GALNT13: variants seen among roughly 807,000 people sequenced by gnomAD.
GALNT13 encodes the protein UDP-GalNAc:polypeptide N-acetylgalactosaminyltransferase 13.
Under a neutral mutation model 64.2 loss-of-function variants are expected in GALNT13, and 28 were observed. That is an observed-to-expected ratio of 0.44 (90% CI 0.32 to 0.60). The LOEUF (loss-of-function observed/expected upper bound fraction) is 0.60, where lower values mean the gene tolerates loss of function less well. GALNT13 is among the 20% of genes least tolerant of loss of function. GALNT13 has a pLI of 0.05. For missense variants in GALNT13, 577 were observed against 669.8 expected, an observed-to-expected ratio of 0.86 and a Z score of 1.53; for synonymous variants, 214 against 224.6, an observed-to-expected ratio of 0.95 and a Z score of 0.42.
chr2:153,351,947 A>T, the GALNT13 span, among the ~76,000 whole-genome samples: 1 of 152,202 alleles, frequency 6.6e-6, no homozygotes, highest in Non-Finnish European at 1.5e-5. Flanking sequence ...TGTGGACATC[A>T]GTTTTCAACT....
chr2:153,328,686 C>T, the GALNT13 span, among the ~76,000 whole-genome samples: 29 of 152,148 alleles, frequency 1.9e-4, no homozygotes, highest in Admixed American at 1.9e-3. Context: ...AGGTCAACTT[C>T]AGACTGCTGT....
intron 4 of GALNT13, among the ~76,000 whole-genome samples, chr2:154,209,310 G>A (rs919696835): frequency 6.6e-5 from 10 of 152,246 alleles, no homozygotes; most frequent in African/African-American, 2.2e-4. Context: ...ACAAATCTCA[G>A]TGGAGAATGT....
chr2:153,973,526 C>G (rs1472200078), intron 3 of GALNT13, among the ~76,000 whole-genome samples: 1 of 151,950 alleles, frequency 6.6e-6, no homozygotes, highest in African/African-American at 2.4e-5. Context: ...AGTACCTTAT[C>G]TAAACTTCTC....
At chr2:153,455,427 A>C in the GALNT13 span, among the ~76,000 whole-genome samples, 1 of 152,198 alleles carries the variant, frequency 6.6e-6, no homozygotes, top group African/African-American at 2.4e-5. Flanking sequence ...GGAGCACATG[A>C]GCGAATGAGT....
At chr2:154,285,803 G>A (rs1478993698) in intron 8 of GALNT13, among the ~76,000 whole-genome samples, 1 of 151,938 alleles carries the variant, frequency 6.6e-6, no homozygotes, top group East Asian at 1.9e-4. Context: ...GATTACTTTA[G>A]GTAATATGAA....
chr2:153,930,702 C>T (rs1283979893), intron 2 of GALNT13, among the ~76,000 whole-genome samples: 3 of 151,972 alleles, frequency 2.0e-5, no homozygotes, highest in East Asian at 3.9e-4. Flanking sequence ...CCAGTAAGTA[C>T]CATGCTGTGT....
intron 9 of GALNT13, among the ~76,000 whole-genome samples, chr2:154,379,088 A>T (rs956786976): frequency 6.6e-6 from 1 of 152,156 alleles, no homozygotes; most frequent in Non-Finnish European, 1.5e-5. Flanking sequence ...ATGTGTGCTT[A>T]ATAAATGATG....
chr2:153,286,579 G>T, the GALNT13 span, among the ~76,000 whole-genome samples: 1 of 152,092 alleles, frequency 6.6e-6, no homozygotes, highest in Non-Finnish European at 1.5e-5. Flanking sequence ...CATAGGTCTA[G>T]AAATAAAAAG....
intron 11 of GALNT13, among the ~76,000 whole-genome samples, chr2:154,431,507 T>C (rs1700709215): frequency 6.6e-6 from 1 of 152,218 alleles, no homozygotes; most frequent in South Asian, 2.1e-4. Context: ...TTTAGATCCT[T>C]CTCACAGAAG....
chr2:153,403,777 C>T, the GALNT13 span, among the ~76,000 whole-genome samples: 6 of 152,274 alleles, frequency 3.9e-5, no homozygotes, highest in East Asian at 5.8e-4. Flanking sequence ...ATGCCTTGCC[C>T]TGCTTCGGCT....
At chr2:154,225,975 T>C (rs1688598568) in intron 4 of GALNT13, among the ~76,000 whole-genome samples, 1 of 152,122 alleles carries the variant, frequency 6.6e-6, no homozygotes, top group Non-Finnish European at 1.5e-5. Context: ...TCAAATATTT[T>C]CTTGATGGAC....
At chr2:153,296,370 G>A in the GALNT13 span, among the ~76,000 whole-genome samples, 1 of 152,050 alleles carries the variant, frequency 6.6e-6, no homozygotes, top group African/African-American at 2.4e-5. Context: ...CTGATAATTG[G>A]CACCTACCTT....
chr2:153,308,483 T>C, the GALNT13 span, among the ~76,000 whole-genome samples: 9 of 152,196 alleles, frequency 5.9e-5, no homozygotes, highest in Non-Finnish European at 8.8e-5. Flanking sequence ...TATGTTCAAT[T>C]TTCTCAGATC....
the GALNT13 span, among the ~76,000 whole-genome samples, chr2:153,843,998 A>G: frequency 6.6e-6 from 1 of 152,254 alleles, no homozygotes; most frequent in Admixed American, 6.5e-5. Context: ...CAGGTTGTTT[A>G]GTGCCTACAG....
intron 11 of GALNT13, among the ~76,000 whole-genome samples, chr2:154,423,809 A>C (rs936072881): frequency 6.6e-6 from 1 of 152,148 alleles, no homozygotes; most frequent in Non-Finnish European, 1.5e-5. Flanking sequence ...TACAATGTGG[A>C]AGAGGATAGT....
chr2:153,533,671 A>G, the GALNT13 span, among the ~76,000 whole-genome samples: 1 of 105,664 alleles, frequency 9.5e-6, no homozygotes, highest in East Asian at 3.0e-4. Context: ...CCCTTCACGT[A>G]TGTTGCATTT....
chr2:154,389,621 AATT>A (rs1161676643), intron 9 of GALNT13, among the ~76,000 whole-genome samples: 8 of 152,192 alleles, frequency 5.3e-5, no homozygotes, highest in Non-Finnish European at 1.2e-4. Flanking sequence ...TAACTGAAAT[AATT>A]ATTATCATTG....
At position 154,212,727 on chromosome 2, in the gene GALNT13, T is replaced by C. The variant is rs77769445; in HGVS notation, c.312-29303T>C. On this transcript the variant is annotated intron_variant, in intron 4 of 12. Coordinates refer to ENST00000392825, the MANE Select transcript of GALNT13 (RefSeq NM_052917.4). ...CTCCTTCTTCCCCCCATCCTTCTTC[T>C]CCTTCTAAGGCAATGGATACTAAAG... Among the ~76,000 whole-genome samples the C allele has an allele frequency of 5.5e-3, 838 of 151,868 alleles. 8 individuals carry two copies. The highest frequency in any genetic ancestry group is 0.018 in the African/African-American group (754 of 41,346).
At chr2:154,031,235 T>G (rs1698316747) in intron 3 of GALNT13, among the ~76,000 whole-genome samples, 1 of 151,958 alleles carries the variant, frequency 6.6e-6, no homozygotes, top group South Asian at 2.1e-4. Flanking sequence ...TAACTTAAAC[T>G]AGGGTAAGTA....
Sources: gnomAD v4.1 joint callset for allele counts (sites outside exome capture counted in the v4.1 genomes callset) on GRCh38, gnomAD v4.1.1 for gene constraint, MANE v1.5 for transcripts, NCBI Gene and HGNC (gene_info 2026-07-23, HGNC 2026-07-21) for gene names.